MRPL19: variants seen among roughly 807,000 people sequenced by gnomAD.
MRPL19 encodes the protein mitochondrial ribosomal protein L19, also known as large ribosomal subunit protein bL19m.
MRPL19 carries 31 observed loss-of-function variants against 34.0 expected under a neutral mutation model. That is an observed-to-expected ratio of 0.91 (90% CI 0.68 to 1.23). MRPL19 has a LOEUF of 1.23. Among genes scored for constraint, MRPL19 ranks in the 50% most tolerant of loss-of-function variants. MRPL19 has a pLI of 0.00. For synonymous variants in MRPL19, 152 were observed against 127.7 expected, an observed-to-expected ratio of 1.19 and a Z score of -1.28; for missense variants, 384 against 367.6, an observed-to-expected ratio of 1.04 and a Z score of -0.37.
chr2:75,649,267 G>A (rs1012459488), intron 2 of MRPL19, among the ~76,000 whole-genome samples: 1 of 152,218 alleles, frequency 6.6e-6, no homozygotes, highest in African/African-American at 2.4e-5. Flanking sequence ...ACGAATAGAT[G>A]TAAAATACCT....
chr2:75,658,703 T>C lies in MRPL19; in HGVS notation c.*3418T>C, dbSNP rs1678525572. On this transcript the variant is annotated 3_prime_UTR_variant, in exon 6 of 6. Coordinates refer to ENST00000393909, the MANE Select transcript of MRPL19 (RefSeq NM_014763.4). ...AGTATGATTTTAATGTTTTTGAGAA[T>C]TGGTGTGTGGCCTGATAGATGGTCT... 6.6e-6 allele frequency among the ~76,000 whole-genome samples: 1 copy of C among 152,152 alleles called. No homozygotes were observed. The highest frequency in any genetic ancestry group is 6.6e-5 in the Admixed American group (1 of 15,256).
rs1161108752 is a variant in MRPL19, at chr2:75,656,578, G to C, written c.*1293G>C. ...TTGAGACCTTGCATGTCTCATGTTT[G>C]ATTGATACTTTATACGTTTAGGTAG... On this transcript the variant is annotated 3_prime_UTR_variant, in exon 6 of 6. Coordinates refer to ENST00000393909, the MANE Select transcript of MRPL19 (RefSeq NM_014763.4). The C allele has an allele frequency of 6.6e-6, 1 of 152,092 alleles. No homozygotes were observed. The highest frequency in any genetic ancestry group is 2.4e-5 in the African/African-American group (1 of 41,414). 9.4% of individuals were successfully genotyped at this position (152,092 alleles called of 1,614,324 possible).
At position 75,656,589 on chromosome 2, in the gene MRPL19, T is replaced by C. The variant is rs532605811; in HGVS notation, c.*1304T>C. On this transcript the variant is annotated 3_prime_UTR_variant, in exon 6 of 6. Coordinates refer to ENST00000393909, the MANE Select transcript of MRPL19 (RefSeq NM_014763.4). Reference sequence around the variant, plus strand: ...CATGTCTCATGTTTGATTGATACTTTATACGTTTAGGTAGGAGGTAATTTT... The same window carrying C: ...CATGTCTCATGTTTGATTGATACTTCATACGTTTAGGTAGGAGGTAATTTT... 1.1e-4 allele frequency: 17 copies of C among 152,310 alleles called. No individual in the cohort carries two copies. In the South Asian group the frequency reaches 1.7e-3, roughly 15 times the overall value. 9.4% of individuals were successfully genotyped at this position (152,310 alleles called of 1,614,324 possible).
At position 75,646,889 on chromosome 2, in the gene MRPL19, C is replaced by G. The variant is rs11552948; in HGVS notation, c.82C>G (p.Pro28Ala). The part of the protein sequence containing the change: ...SFQAARTLLP[P>A]PASIACRVHA... ...CCAAGCCGCCAGGACTCTGCTCCCC[C>G]CGCCGGCCTCTATCGCCTGCAGTAA... Residue 28 changes from proline (P) to alanine (A), a missense_variant, in exon 1 of 6, where the codon CCG (proline) becomes GCG (alanine). By Grantham distance (27) the Pro-to-Ala change is conservative. Transcript: ENST00000393909. 31,229 of 1,594,254 alleles carry G rather than the reference C, an allele frequency of 0.02. 427 individuals are homozygous for G. Among genetic ancestry groups the G allele is most frequent in the African/African-American group, 0.057 (4,230 of 74,756 alleles).
rs957634106 is a variant in MRPL19 at position 75,660,456 on chromosome 2, A to T, written c.*5171A>T. 2 of 152,206 alleles carry T rather than the reference A, an allele frequency of 1.3e-5. No individual in the cohort carries two copies. Among genetic ancestry groups the T allele is most frequent in the African/African-American group, 4.8e-5 (2 of 41,466 alleles). The allele number at this position is 152,206 out of a possible 1,614,324, so 9.4% of individuals were successfully genotyped here. On this transcript the variant is annotated 3_prime_UTR_variant, in exon 6 of 6. Coordinates refer to ENST00000393909, the MANE Select transcript of MRPL19 (RefSeq NM_014763.4). ...TGAAAACTGTATGTTTGAACATCAT[A>T]ACGTGGTGGCCCTGAAAATCAGATA...
rs534860843 is a variant in MRPL19 at position 75,656,857 on chromosome 2, A to G, written c.*1572A>G. ...TATTCTCTGCTGCTTTGTTCTCCCAACTATTATTTGGATGTTGGATATCCA... is the reference window on the plus strand; with the variant it reads ...TATTCTCTGCTGCTTTGTTCTCCCAGCTATTATTTGGATGTTGGATATCCA... On this transcript the variant is annotated 3_prime_UTR_variant, in exon 6 of 6. Transcript: ENST00000393909. 325 of 152,148 alleles carry G rather than the reference A, an allele frequency of 2.1e-3. 1 individual carries two copies. The highest frequency in any genetic ancestry group is 7.5e-3 in the African/African-American group (313 of 41,518). The allele number at this position is 152,148 out of a possible 1,614,324, so 9.4% of individuals were successfully genotyped here. A position where few individuals can be genotyped will look rare whatever the true frequency, so the allele number is the denominator to read the frequency against.
rs1335713102 is a variant in MRPL19, at chr2:75,658,960, C to A, written c.*3675C>A. Among the ~76,000 whole-genome samples the A allele has an allele frequency of 7.8e-6, 1 of 128,214 alleles. No homozygotes were observed. The highest frequency in any genetic ancestry group is 7.6e-5 in the Admixed American group (1 of 13,072). 84.1% of individuals were successfully genotyped at this position (128,214 alleles called of 152,430 possible). On this transcript the variant is annotated 3_prime_UTR_variant, in exon 6 of 6. Transcript: ENST00000393909. ...ACTATCTTGTTTTGTTTTGTTTTTT[C>A]TGTCCATTCTGCCAATTTCTGCCTT...
Position 75,660,006 on chromosome 2 carries a change from C to G in MRPL19, c.*4721C>G, listed in dbSNP as rs1678568884. On this transcript the variant is annotated 3_prime_UTR_variant, in exon 6 of 6. Transcript: ENST00000393909. ...AAATATTCTTAATGTATATGTTGGT[C>G]TGTTTGATGCTGTCTCACCAGTTTC... Among the ~76,000 whole-genome samples, 1 of 151,976 alleles carries G rather than the reference C, an allele frequency of 6.6e-6. No homozygotes were observed. The highest frequency in any genetic ancestry group is 2.4e-5 in the African/African-American group (1 of 41,392).
chr2:75,657,894 T>A lies in MRPL19; in HGVS notation c.*2609T>A, dbSNP rs1000868574. The A allele has an allele frequency of 3.3e-5, 5 of 151,954 alleles. No individual in the cohort carries two copies. The highest frequency in any genetic ancestry group is 4.8e-5 in the African/African-American group (2 of 41,364). The allele number at this position is 151,954 out of a possible 1,614,324, so 9.4% of individuals were successfully genotyped here. Reference sequence around the variant, plus strand: ...TTTTTATTGTGGTAGGATATATATATAAAACATAATTTGCCATTGTAAACA... The same window carrying A: ...TTTTTATTGTGGTAGGATATATATAAAAAACATAATTTGCCATTGTAAACA... On this transcript the variant is annotated 3_prime_UTR_variant, in exon 6 of 6. Transcript: ENST00000393909.
chr2:75,648,114 G>C (rs1678259800), intron 2 of MRPL19, among the ~76,000 whole-genome samples: 2 of 151,958 alleles, frequency 1.3e-5, no homozygotes, highest in African/African-American at 4.8e-5. Context: ...CTTGGAGTTA[G>C]AGAACTAAGA....
At chr2:75,651,534 C>G (rs1678332590) in intron 2 of MRPL19, 2 of 468,864 alleles carry the variant, frequency 4.3e-6, no homozygotes, top group Admixed American at 4.4e-5. Flanking sequence ...TTGTCAGAAC[C>G]TTCATATTCA....
rs1475778133 is a variant in MRPL19, at chr2:75,657,570, A to C, written c.*2285A>C. On this transcript the variant is annotated 3_prime_UTR_variant, in exon 6 of 6. Coordinates refer to ENST00000393909, the MANE Select transcript of MRPL19 (RefSeq NM_014763.4). ...CAAAATAAAAGGTTAACAAGAGCCT[A>C]TATCTTATATTTTTCTTCTCTTTAT... 3 of 152,208 alleles carry C rather than the reference A, an allele frequency of 2.0e-5. 1 individual carries two copies. The highest frequency in any genetic ancestry group is 2.1e-4 in the South Asian group (1 of 4,834). 9.4% of individuals were successfully genotyped at this position (152,208 alleles called of 1,614,324 possible). A position where few individuals can be genotyped will look rare whatever the true frequency, so the allele number is the denominator to read the frequency against.
In MRPL19 at chr2:75,652,265, G is replaced by A. The variant is rs1409746397; in HGVS notation, c.340+5G>A. The A allele has an allele frequency of 2.0e-6, 3 of 1,510,968 alleles. No homozygotes were observed. The highest frequency in any genetic ancestry group is 2.8e-5 in the African/African-American group (2 of 71,238). 93.6% of individuals were successfully genotyped at this position (1,510,968 alleles called of 1,614,324 possible). On this transcript the variant is annotated splice_donor_5th_base_variant and intron_variant, in intron 3 of 5. Coordinates refer to ENST00000393909, the MANE Select transcript of MRPL19 (RefSeq NM_014763.4). ...ACATTCCAGAGTTCTATGTTGGTCA[G>A]TAAGAGCTGTATGTTTTTATTATTA... is the stretch of plus-strand genomic sequence containing the variant.
chr2:75,647,076 C>T lies in MRPL19; in HGVS notation c.104-26C>T, dbSNP rs1178234549. On this transcript the variant is annotated intron_variant, in intron 1 of 5. Transcript: ENST00000393909. The stretch of plus-strand genomic sequence containing the variant: ...GGATCTCAGGGTTGGCACGAGAGTT[C>T]TGACCTCCGTCGTCCGCTCCCGCAG... 1.5e-5 allele frequency: 24 copies of T among 1,562,332 alleles called. 1 individual carries two copies. Among genetic ancestry groups the T allele is most frequent in the South Asian group, 2.4e-5 (2 of 84,776 alleles).
In MRPL19 at chr2:75,654,819, T is replaced by G. The variant is rs779307850; in HGVS notation, c.559T>G (p.Leu187Val). The G allele has an allele frequency of 6.2e-7, 1 of 1,613,896 alleles. No individual in the cohort carries two copies. The highest frequency in any genetic ancestry group is 1.1e-5 in the South Asian group (1 of 91,074). ...ATTAGAGAAACGGCTGGATGATAGC[T>G]TGCTATACTTACGAGATGCCCTTCC... ...VKLEKRLDDS[L>V]LYLRDALPEY... Residue 187 changes from leucine (L) to valine (V), a missense_variant, in exon 5 of 6, where the codon TTG becomes GTG. Transcript: ENST00000393909.
At position 75,656,697 on chromosome 2, in the gene MRPL19, C is replaced by T. The variant is rs1442879293; in HGVS notation, c.*1412C>T. On this transcript the variant is annotated 3_prime_UTR_variant, in exon 6 of 6. Transcript: ENST00000393909. ...AGAAATCCAATGCCATTTTGATTTC[C>T]CCATCATAAATTTCATGATGATGTG... The T allele has an allele frequency of 6.6e-6, 1 of 151,478 alleles. No homozygotes were observed. Among genetic ancestry groups the T allele is most frequent in the Non-Finnish European group, 1.5e-5 (1 of 67,876 alleles). 9.4% of individuals were successfully genotyped at this position (151,478 alleles called of 1,614,324 possible). A position where few individuals can be genotyped will look rare whatever the true frequency, so the allele number is the denominator to read the frequency against.
Position 75,657,082 on chromosome 2 carries a change from TA to T in MRPL19, c.*1798del, listed in dbSNP as rs1245136469. 2 of 150,692 alleles carry T rather than the reference TA, an allele frequency of 1.3e-5. No individual in the cohort carries two copies. The highest frequency in any genetic ancestry group is 5.0e-5 in the African/African-American group (2 of 40,120). The allele number at this position is 150,692 out of a possible 1,614,324, so 9.3% of individuals were successfully genotyped here. On this transcript the variant is annotated 3_prime_UTR_variant, in exon 6 of 6. Transcript: ENST00000393909. ...CAGATAAGGGGTATTCAATATAGTGTATTTTTTTTTCATTTAAAATTGTTTG... is the reference window on the plus strand; with the variant it reads ...CAGATAAGGGGTATTCAATATAGTGTTTTTTTTTTCATTTAAAATTGTTTG...
rs1558719959 is a variant in MRPL19 at position 75,652,184 on chromosome 2, T to G, written c.264T>G (p.Asp88Glu). Residue 88 changes from aspartate to glutamate, a missense_variant, in exon 3 of 6, where the codon GAT becomes GAG. Coordinates refer to ENST00000393909, the MANE Select transcript of MRPL19 (RefSeq NM_014763.4). ...PEFIPRRGRT[D>E]PLKFQIERKD... is the part of the protein sequence containing the mutation. The stretch of plus-strand genomic sequence containing the variant: ...TCATTCCTCGAAGGGGAAGAACAGA[T>G]CCTCTGAAATTTCAAATAGAAAGAA... 6.2e-7 allele frequency: 1 copy of G among 1,605,798 alleles called. No individual in the cohort carries two copies. Among genetic ancestry groups the G allele is most frequent in the Non-Finnish European group, 8.5e-7 (1 of 1,175,536 alleles).
chr2:75,647,431 A>C, intron 2 of MRPL19: 1 of 518,834 alleles, frequency 1.9e-6, no homozygotes, highest in Non-Finnish European at 3.4e-6. Flanking sequence ...TTGAGTCAGA[A>C]CTTCAAGTAG....
Sources: gnomAD v4.1 joint callset for allele counts (sites outside exome capture counted in the v4.1 genomes callset) on GRCh38, gnomAD v4.1.1 for gene constraint, MANE v1.5 for transcripts, NCBI Gene and HGNC (gene_info 2026-07-23, HGNC 2026-07-21) for gene names.